The following CRISPLD2 variants were observed in gnomAD, a reference collection of about 807,000 sequenced individuals.
CRISPLD2 encodes the protein cysteine rich secretory protein LCCL domain containing 2.
CRISPLD2 carries 47 observed loss-of-function variants against 71.1 expected under a neutral mutation model. The observed-to-expected ratio is 0.66, with a 90% CI of 0.52 to 0.84. The LOEUF (loss-of-function observed/expected upper bound fraction) is 0.84. CRISPLD2 is among the 40% of genes least tolerant of loss of function. The pLI is 0.00. For missense variants in CRISPLD2, 830 were observed against 651.1 expected (o/e 1.27, Z -2.99); for synonymous variants, 317 against 250.1 (o/e 1.27, Z -2.52).
At chr16:84,867,755 A>C (rs913527647) in intron 7 of CRISPLD2, among the ~76,000 whole-genome samples, 3 of 152,032 alleles carry the variant, frequency 2.0e-5, no homozygotes, top group Non-Finnish European at 4.4e-5. Context: ...TTAGTAGAGA[A>C]AGGGAGATGT....
At chr16:84,882,371 A>AAAAAGAAAT (rs368239840) in intron 13 of CRISPLD2, among the ~76,000 whole-genome samples, 34 of 114,134 alleles carry the variant, frequency 3.0e-4, no homozygotes, top group African/African-American at 1.1e-3. Context: ...AAAAAAAAAA[A>AAAAAGAAAT]GCAAGAACTT....
At chr16:84,866,806 C>T (rs1264854763) in intron 6 of CRISPLD2, 91 bp from the exon 7 acceptor site, 8 of 1,239,236 alleles carry the variant, frequency 6.5e-6, no homozygotes, top group Middle Eastern at 1.9e-4. Flanking sequence ...ACCTCAAACA[C>T]GTTTAGTTTT....
chr16:84,873,809 G>C, intron 10 of CRISPLD2, 111 bp from the exon 11 acceptor site: 1 of 979,322 alleles, frequency 1.0e-6, no homozygotes, highest in Non-Finnish European at 1.5e-6. Context: ...GTAGAAAAGT[G>C]TGAAGTCGAG....
intron 1 of CRISPLD2, among the ~76,000 whole-genome samples, chr16:84,833,104 G>A: frequency 6.6e-6 from 1 of 152,148 alleles, no homozygotes; most frequent in East Asian, 1.9e-4. Flanking sequence ...CAGTCTCCTG[G>A]ACTCAGTTGC....
chr16:84,887,070 C>T (rs908671718), intron 13 of CRISPLD2, among the ~76,000 whole-genome samples: 1 of 152,282 alleles, frequency 6.6e-6, no homozygotes, highest in South Asian at 2.1e-4. Flanking sequence ...ATCTTCTCCA[C>T]CATGTCTTGC....
At chr16:84,874,061 T>C (rs2071498554) in intron 11 of CRISPLD2, 98 bp downstream of exon 11, 1 of 1,106,808 alleles carries the variant, frequency 9.0e-7, no homozygotes, top group South Asian at 1.4e-5. Flanking sequence ...ATGTTTATCA[T>C]GCGTGTGAAC....
chr16:84,851,951 C>T (rs1597458829), intron 5 of CRISPLD2, among the ~76,000 whole-genome samples: 1 of 152,216 alleles, frequency 6.6e-6, no homozygotes, highest in African/African-American at 2.4e-5. Flanking sequence ...ACAGAGGCCA[C>T]AGCCTGGGCA....
chr16:84,850,927 A>G (rs535278537), intron 5 of CRISPLD2, among the ~76,000 whole-genome samples: 1 of 95,372 alleles, frequency 1.0e-5, no homozygotes, highest in African/African-American at 3.0e-5. Context: ...CAGCACCAAC[A>G]TCACATCTCC....
intron 14 of CRISPLD2, among the ~76,000 whole-genome samples, chr16:84,898,272 C>T (rs575780785): frequency 1.3e-5 from 2 of 152,294 alleles, no homozygotes; most frequent in South Asian, 4.1e-4. Context: ...ACATCCTTTC[C>T]TGTGTAAGGC....
At chr16:84,864,897 G>A (rs928060569) in intron 6 of CRISPLD2, among the ~76,000 whole-genome samples, 2 of 152,206 alleles carry the variant, frequency 1.3e-5, no homozygotes, top group African/African-American at 4.8e-5. Flanking sequence ...CCCACCTTCT[G>A]ACTTAAACCC....
At chr16:84,900,358 G>A (rs1185111740) in intron 14 of CRISPLD2, among the ~76,000 whole-genome samples, 6 of 152,088 alleles carry the variant, frequency 3.9e-5, no homozygotes, top group African/African-American at 7.2e-5. Context: ...TTTCCAATCT[G>A]GGGGCTCTCT....
intron 14 of CRISPLD2, among the ~76,000 whole-genome samples, chr16:84,892,899 C>T (rs2143357625): frequency 6.7e-6 from 1 of 149,020 alleles, no homozygotes; most frequent in South Asian, 2.1e-4. Flanking sequence ...TCGCTTGAAA[C>T]CAGGAGGCGG....
At chr16:84,839,008 C>G (rs953029247) in intron 2 of CRISPLD2, 15 of 570,102 alleles carry the variant, frequency 2.6e-5, no homozygotes, top group Admixed American at 1.6e-4. Flanking sequence ...GCTTCAGCCT[C>G]CCAAGTAGCT....
chr16:84,822,014 C>G (rs1424481715), intron 1 of CRISPLD2, among the ~76,000 whole-genome samples: 1 of 152,352 alleles, frequency 6.6e-6, no homozygotes, highest in Middle Eastern at 3.4e-3. Flanking sequence ...CATCTAATGA[C>G]CAGCCACATG....
intron 13 of CRISPLD2, among the ~76,000 whole-genome samples, chr16:84,883,202 G>T (rs2071583443): frequency 6.6e-6 from 1 of 152,222 alleles, no homozygotes; most frequent in Non-Finnish European, 1.5e-5. Context: ...TTCTTTTCTG[G>T]CCTCAGTTTC....
intron 1 of CRISPLD2, among the ~76,000 whole-genome samples, chr16:84,826,462 G>A (rs527672049): frequency 2.7e-4 from 41 of 152,314 alleles, no homozygotes; most frequent in African/African-American, 3.8e-4. Flanking sequence ...AGCCAGCTAC[G>A]CACATTTACT....
intron 2 of CRISPLD2, among the ~76,000 whole-genome samples, chr16:84,844,962 C>G (rs182575801): frequency 6.3e-4 from 96 of 152,316 alleles, no homozygotes; most frequent in African/African-American, 2.2e-3. Flanking sequence ...AACTGCGTGC[C>G]TAGGTTCACA....
chr16:84,850,004 T>G (rs12935642), intron 4 of CRISPLD2, among the ~76,000 whole-genome samples: 115,577 of 151,640 alleles, frequency 0.76, 44,251 homozygotes, highest in Middle Eastern at 0.89. Flanking sequence ...GGGATTACAG[T>G]TGTGAGCTAC....
intron 14 of CRISPLD2, among the ~76,000 whole-genome samples, chr16:84,894,565 T>C (rs927533642): frequency 4.6e-5 from 7 of 152,184 alleles, no homozygotes; most frequent in Non-Finnish European, 8.8e-5. Flanking sequence ...TGTGGTCTGC[T>C]GTGGCAAGTG....
Sources: allele counts gnomAD v4.1 joint callset (sites outside exome capture counted in the v4.1 genomes callset), GRCh38; gene constraint gnomAD v4.1.1; transcripts MANE v1.5; gene names NCBI Gene and HGNC (gene_info 2026-07-23, HGNC 2026-07-21).